Variants in NOL4 observed in about 807,000 individuals in gnomAD.
NOL4 encodes cancer/testis antigen 125.
In NOL4, 17 loss-of-function variants were observed where a neutral mutation model predicts 75.9. The ratio of observed to expected loss-of-function variants is 0.22; its 90% CI spans 0.15 to 0.34. The LOEUF is 0.34. Among genes scored for constraint, NOL4 ranks in the 10% least tolerant of loss-of-function variants. The pLI, the probability that NOL4 is intolerant of heterozygous loss-of-function variation, is 1.00. For synonymous variants in NOL4, 292 were observed against 289.9 expected, an observed-to-expected ratio of 1.01 and a Z score of -0.07; for missense variants, 614 against 793.5, an observed-to-expected ratio of 0.77 and a Z score of 2.72.
chr18:33,963,982 T>C (rs2070366258), intron 6 of NOL4, among the ~76,000 whole-genome samples: 1 of 152,148 alleles, frequency 6.6e-6, no homozygotes, highest in East Asian at 1.9e-4. Flanking sequence ...GTTTCCTCAT[T>C]ATGTCCTAAA....
At chr18:34,004,269 C>G (rs2146262100) in intron 6 of NOL4, among the ~76,000 whole-genome samples, 1 of 152,124 alleles carries the variant, frequency 6.6e-6, no homozygotes, top group South Asian at 2.1e-4. Flanking sequence ...ACGTATAAAA[C>G]TAAGCTGCAG....
chr18:33,935,150 C>T (rs139766132), intron 9 of NOL4, among the ~76,000 whole-genome samples: 8 of 152,198 alleles, frequency 5.3e-5, no homozygotes, highest in Non-Finnish European at 1.2e-4. Flanking sequence ...CATGTGTGAG[C>T]CATCACAGCC....
chr18:34,123,188 T>C (rs1220306960), intron 2 of NOL4, among the ~76,000 whole-genome samples: 7 of 151,586 alleles, frequency 4.6e-5, no homozygotes, highest in Non-Finnish European at 8.8e-5. Context: ...GCAGTATTAC[T>C]CTGGCCACTG....
chr18:33,917,654 C>T (rs563809565), intron 9 of NOL4, among the ~76,000 whole-genome samples: 7 of 151,866 alleles, frequency 4.6e-5, no homozygotes, highest in Non-Finnish European at 1.0e-4. Context: ...GCTACTACAC[C>T]TAGTTAATTT....
chr18:33,890,130 A>G (rs147283953), intron 9 of NOL4, among the ~76,000 whole-genome samples: 2,579 of 152,294 alleles, frequency 0.017, 64 homozygotes, highest in African/African-American at 0.058. Flanking sequence ...TTGTATATTT[A>G]GAAAACCCCA....
intron 2 of NOL4, among the ~76,000 whole-genome samples, chr18:34,108,209 C>A (rs1052764870): frequency 1.3e-5 from 2 of 151,862 alleles, no homozygotes; most frequent in Non-Finnish European, 2.9e-5. Context: ...AGTAGATATG[C>A]AAAAGATGAA....
chr18:34,105,760 A>C (rs995980297), intron 2 of NOL4, among the ~76,000 whole-genome samples: 3 of 152,092 alleles, frequency 2.0e-5, no homozygotes, highest in East Asian at 1.9e-4. Flanking sequence ...ATTTTATGTC[A>C]ATTTTTTATA....
intron 2 of NOL4, among the ~76,000 whole-genome samples, chr18:34,112,081 C>T (rs2079615626): frequency 6.6e-6 from 1 of 152,058 alleles, no homozygotes; most frequent in Middle Eastern, 3.2e-3. Flanking sequence ...GATATGGGGA[C>T]AACTAGGCCA....
At chr18:33,951,271 G>T (rs2069198745) in intron 8 of NOL4, among the ~76,000 whole-genome samples, 1 of 152,128 alleles carries the variant, frequency 6.6e-6, no homozygotes, top group Non-Finnish European at 1.5e-5. Context: ...TGAAAGTAGA[G>T]CTGAGCTGGG....
intron 5 of NOL4, among the ~76,000 whole-genome samples, chr18:34,030,578 A>G (rs2075588109): frequency 6.6e-6 from 1 of 152,198 alleles, no homozygotes. Context: ...GTATTTGTTG[A>G]TAGGAGAGAC....
intron 6 of NOL4, among the ~76,000 whole-genome samples, chr18:33,993,833 G>T (rs1289579849): frequency 1.3e-5 from 2 of 151,270 alleles, no homozygotes; most frequent in African/African-American, 4.8e-5. Flanking sequence ...CTACTAGAAG[G>T]GATTAACAGT....
rs144174393 is a variant in NOL4, at chr18:33,902,633, C to T, written c.1543-19209G>A. Among the ~76,000 whole-genome samples, 282 of 152,140 alleles carry T rather than the reference C, an allele frequency of 1.9e-3. 1 individual carries two copies. The highest frequency in any genetic ancestry group is 6.1e-3 in the African/African-American group (254 of 41,544). On this transcript the variant is annotated intron_variant, in intron 9 of 10. Coordinates refer to ENST00000261592, the MANE Select transcript of NOL4 (RefSeq NM_003787.5). ...ACTAATAACCTGGGACACACTTTTC[C>T]TGTGTTTGATGGAATGTGAGTTCTT...
At chr18:33,871,864 G>C (rs765510113) in intron 10 of NOL4, among the ~76,000 whole-genome samples, 1 of 152,064 alleles carries the variant, frequency 6.6e-6, no homozygotes, top group Non-Finnish European at 1.5e-5. Flanking sequence ...CCTTTTCAGG[G>C]CCTTTCTTGG....
chr18:33,881,112 A>T (rs1022587304), intron 10 of NOL4, among the ~76,000 whole-genome samples: 50 of 151,858 alleles, frequency 3.3e-4, no homozygotes, highest in Non-Finnish European at 4.9e-4. Flanking sequence ...TAGGTATTTT[A>T]TTCTCTTTGA....
chr18:33,890,588 T>C (rs1239108533), intron 9 of NOL4, among the ~76,000 whole-genome samples: 1 of 152,062 alleles, frequency 6.6e-6, no homozygotes. Context: ...AAAAATGATA[T>C]TGGGCCAGCA....
At chr18:34,027,874 A>G (rs1600305253) in intron 5 of NOL4, among the ~76,000 whole-genome samples, 2 of 152,184 alleles carry the variant, frequency 1.3e-5, no homozygotes, top group Non-Finnish European at 2.9e-5. Flanking sequence ...TGATTTGAGG[A>G]AAAAAACACA....
intron 1 of NOL4, among the ~76,000 whole-genome samples, chr18:34,193,316 G>A (rs1406999220): frequency 6.6e-6 from 1 of 152,074 alleles, no homozygotes; most frequent in Non-Finnish European, 1.5e-5. Flanking sequence ...ACAGAGTGAA[G>A]AAAGAATTTA....
At chr18:34,067,482 G>A (rs1266083813) in intron 5 of NOL4, among the ~76,000 whole-genome samples, 1 of 152,146 alleles carries the variant, frequency 6.6e-6, no homozygotes, top group African/African-American at 2.4e-5. Context: ...AAATACAAGA[G>A]TAGAAGCAAG....
In NOL4 at chr18:33,853,048, T is replaced by A. The variant is rs749061467; in HGVS notation, c.1724-13A>T. The A allele has an allele frequency of 1.3e-6, 2 of 1,577,806 alleles. No individual in the cohort carries two copies. Among genetic ancestry groups the A allele is most frequent in the South Asian group, 2.3e-5 (2 of 86,256 alleles). On this transcript the variant is annotated splice_polypyrimidine_tract_variant and intron_variant, in intron 10 of 10. Coordinates refer to ENST00000261592, the MANE Select transcript of NOL4 (RefSeq NM_003787.5). ...AGATCAGTGGGTCCTAGAAAGAAAA[T>A]CATCACAAAATTAGACATAAATATT...
Sources: gnomAD v4.1 joint callset for allele counts (sites outside exome capture counted in the v4.1 genomes callset) on GRCh38, gnomAD v4.1.1 for gene constraint, MANE v1.5 for transcripts, NCBI Gene and HGNC (gene_info 2026-07-23, HGNC 2026-07-21) for gene names.